The following SNURF variants were observed in gnomAD, a reference collection of about 807,000 sequenced individuals.
The protein encoded by SNURF is SNURF protein.
Under a neutral mutation model 11.6 loss-of-function variants are expected in SNURF, and 6 were observed. That is an observed-to-expected ratio of 0.52 (90% confidence interval 0.28 to 1.02). SNURF has a LOEUF of 1.02. Among genes scored for constraint, SNURF ranks in the 50% least tolerant of loss-of-function variants. The pLI is 0.09. For missense variants in SNURF, 84 were observed against 88.4 expected (o/e 0.95, Z 0.20); for synonymous variants, 29 against 31.6 (o/e 0.92, Z 0.27).
intron 1 of SNURF, among the ~76,000 whole-genome samples, 165 bp downstream of exon 1, chr15:24,955,227 G>C (rs1423561784): frequency 6.6e-6 from 1 of 152,190 alleles, no homozygotes; most frequent in Non-Finnish European, 1.5e-5. Context: ...GAGGCTTGCT[G>C]TTGTGCCGTT....
At chr15:24,960,132 G>A (rs2074532642) in intron 1 of SNURF, among the ~76,000 whole-genome samples, 3 of 152,094 alleles carry the variant, frequency 2.0e-5, no homozygotes. Flanking sequence ...GGGTGTGGTG[G>A]TGCATGCCTG....
chr15:24,978,189 G>C (rs370345153), downstream of SNURF: 1 of 1,611,842 alleles, frequency 6.2e-7, no homozygotes. Flanking sequence ...ATTTTTCACT[G>C]TAGGCATTAT....
chr15:24,978,366 T>A, downstream of SNURF: 1 of 1,614,032 alleles, frequency 6.2e-7, no homozygotes, highest in Non-Finnish European at 8.5e-7. Context: ...CCCCTGAATA[T>A]GTGTATCCTC....
chr15:24,955,514 C>T (rs906113821), intron 1 of SNURF, among the ~76,000 whole-genome samples: 1 of 147,014 alleles, frequency 6.8e-6, no homozygotes, highest in Admixed American at 6.9e-5. Context: ...GGCGAAGGTA[C>T]GTGAAGTGAT....
intron 2 of SNURF, among the ~76,000 whole-genome samples, chr15:24,966,284 G>GT (rs10588023): frequency 3.9e-5 from 6 of 151,906 alleles, no homozygotes; most frequent in South Asian, 2.1e-4. Context: ...ATACTTACTA[G>GT]TTTTTTTTAT....
chr15:24,973,996 T>TAG (rs565100720), intron 3 of SNURF, among the ~76,000 whole-genome samples: 121 of 152,272 alleles, frequency 7.9e-4, no homozygotes, highest in African/African-American at 2.7e-3. Flanking sequence ...AATTCTGAAC[T>TAG]AGAGAGAGAG....
At chr15:24,969,785 A>C (rs1253833254), downstream of SNURF, among the ~76,000 whole-genome samples, 1 of 152,198 alleles carries the variant, frequency 6.6e-6, no homozygotes, top group Non-Finnish European at 1.5e-5. Context: ...CATTACTAGT[A>C]TTCCTGTAGA....
At chr15:24,961,075 ATTTTTTGAT>A (rs931328525) in intron 1 of SNURF, among the ~76,000 whole-genome samples, 2 of 151,904 alleles carry the variant, frequency 1.3e-5, no homozygotes, top group African/African-American at 4.8e-5. Flanking sequence ...TCGGAACTTT[ATTTTTTGAT>A]GAAGTCCACT....
chr15:24,973,938 C>A (rs2076767288), intron 3 of SNURF, among the ~76,000 whole-genome samples: 1 of 152,046 alleles, frequency 6.6e-6, no homozygotes, highest in African/African-American at 2.4e-5. Flanking sequence ...AAGGAAAAAT[C>A]TGAATGAAAG....
intron 1 of SNURF, among the ~76,000 whole-genome samples, chr15:24,958,282 A>G (rs185432874): frequency 1.1e-4 from 16 of 151,824 alleles, no homozygotes; most frequent in Non-Finnish European, 1.5e-4. Flanking sequence ...CTGTTTAGCT[A>G]TTTTTTAGGA....
intron 1 of SNURF, among the ~76,000 whole-genome samples, chr15:24,957,064 T>C (rs1566952298): frequency 6.6e-6 from 1 of 152,260 alleles, no homozygotes; most frequent in Non-Finnish European, 1.5e-5. Flanking sequence ...TTCTCTATTT[T>C]CAAACTGGAC....
chr15:24,967,855 C>A, intron 2 of SNURF, 77 bp from the exon 3 acceptor site: 2 of 1,122,010 alleles, frequency 1.8e-6, no homozygotes, highest in Middle Eastern at 2.1e-4. Context: ...TGTAAGGGTA[C>A]CTAGTTTTCT....
chr15:24,955,191 C>A, intron 1 of SNURF, 129 bp downstream of exon 1: 1 of 1,262,648 alleles, frequency 7.9e-7, no homozygotes, highest in South Asian at 1.3e-5. Context: ...GTCCTTTGTT[C>A]TGGAGAACCA....
At chr15:24,975,550 A>G in intron 4 of SNURF, 1 of 1,575,830 alleles carries the variant, frequency 6.3e-7, no homozygotes, top group Non-Finnish European at 8.7e-7. Flanking sequence ...ACACAGAGGC[A>G]GTGGGAAGGG....
intron 2 of SNURF, among the ~76,000 whole-genome samples, chr15:24,962,905 GT>G (rs901734385): frequency 5.9e-5 from 9 of 151,510 alleles, no homozygotes; most frequent in South Asian, 2.1e-4. Flanking sequence ...AGCTACAATT[GT>G]TTTTTTTAAT....
intron 1 of SNURF, among the ~76,000 whole-genome samples, chr15:24,955,980 G>C (rs1272185254): frequency 6.6e-6 from 1 of 152,000 alleles, no homozygotes; most frequent in Non-Finnish European, 1.5e-5. Context: ...TAATTTTCCT[G>C]TGACCTGCGA....
At chr15:24,956,556 G>A (rs1046406359) in intron 1 of SNURF, among the ~76,000 whole-genome samples, 3 of 152,202 alleles carry the variant, frequency 2.0e-5, no homozygotes, top group African/African-American at 7.2e-5. Context: ...ACGCAGCAGA[G>A]GTGACAGTCG....
At chr15:24,967,986 C>G (rs2075900520) in exon 3 of SNURF, 1 of 1,614,032 alleles carries the variant, frequency 6.2e-7, no homozygotes, top group Non-Finnish European at 8.5e-7. Flanking sequence ...TGGTGGATTT[C>G]CAGGCTGAAC....
chr15:24,972,541 CTTTTTTTT>C (rs755600861), downstream of SNURF, among the ~76,000 whole-genome samples: 1 of 112,222 alleles, frequency 8.9e-6, no homozygotes, highest in South Asian at 2.9e-4. Flanking sequence ...TTAGAGTATT[CTTTTTTTT>C]TTTTTTTTTT....
Sources: allele counts gnomAD v4.1 joint callset (sites outside exome capture counted in the v4.1 genomes callset), GRCh38; gene constraint gnomAD v4.1.1; transcripts MANE v1.5; gene names NCBI Gene and HGNC (gene_info 2026-07-23, HGNC 2026-07-21).